ROBO1: variants seen among roughly 807,000 people sequenced by gnomAD.
ROBO1 encodes the protein roundabout homolog 1.
In ROBO1, 149 loss-of-function variants were observed where a neutral mutation model predicts 195.9. The ratio of observed to expected loss-of-function variants is 0.76; its 90% confidence interval spans 0.67 to 0.87. The LOEUF (loss-of-function observed/expected upper bound fraction) is 0.87, where lower values mean the gene tolerates loss of function less well. ROBO1 is among the 40% of genes least tolerant of loss of function. The pLI, the probability that ROBO1 is intolerant of heterozygous loss-of-function variation, is 0.00. For missense variants in ROBO1, 1,933 were observed against 2,068.3 expected, an observed-to-expected ratio of 0.93 and a Z score of 1.27; for synonymous variants, 816 against 733.2, an observed-to-expected ratio of 1.11 and a Z score of -1.82.
At chr3:79,048,902 A>G (rs548572179) in intron 3 of ROBO1, among the ~76,000 whole-genome samples, 33 of 152,280 alleles carry the variant, frequency 2.2e-4, no homozygotes, top group Non-Finnish European at 3.8e-4. Flanking sequence ...GGTCACCAAC[A>G]TCAAAGACCA....
chr3:78,746,627 G>A (rs1235577903), intron 5 of ROBO1, 116 bp downstream of exon 5: 4 of 800,186 alleles, frequency 5.0e-6, no homozygotes, highest in South Asian at 4.4e-5. Context: ...GCTGAACATG[G>A]GAGCTGACGC....
intron 10 of ROBO1, among the ~76,000 whole-genome samples, chr3:78,679,270 C>G (rs1278024254): frequency 1.6e-4 from 24 of 151,996 alleles, no homozygotes; most frequent in African/African-American, 4.6e-4. Flanking sequence ...TGGCACAAGA[C>G]AGGGATGCCC....
intron 2 of ROBO1, among the ~76,000 whole-genome samples, chr3:79,448,452 T>C (rs2039338055): frequency 2.0e-5 from 3 of 152,188 alleles, no homozygotes; most frequent in Admixed American, 2.0e-4. Context: ...GGGTCCTCCA[T>C]AAAACCTAAT....
intron 1 of ROBO1, among the ~76,000 whole-genome samples, chr3:79,745,182 C>A (rs980381580): frequency 1.3e-5 from 2 of 152,116 alleles, no homozygotes; most frequent in Non-Finnish European, 2.9e-5. Context: ...ACCACATTGT[C>A]CTTGGTTGTC....
intron 1 of ROBO1, among the ~76,000 whole-genome samples, chr3:79,728,128 A>G (rs1702995386): frequency 4.8e-5 from 1 of 20,996 alleles, no homozygotes; most frequent in Non-Finnish European, 9.2e-5. Flanking sequence ...TTGTATATTT[A>G]GATATATCCC....
intron 2 of ROBO1, among the ~76,000 whole-genome samples, chr3:79,521,150 G>A (rs1941191979): frequency 6.6e-6 from 1 of 152,086 alleles, no homozygotes; most frequent in South Asian, 2.1e-4. Context: ...TTTCTGATTG[G>A]AGTGCTTAAT....
At chr3:79,612,806 T>G (rs1441077468) in intron 1 of ROBO1, among the ~76,000 whole-genome samples, 2 of 151,682 alleles carry the variant, frequency 1.3e-5, no homozygotes, top group Non-Finnish European at 2.9e-5. Flanking sequence ...TTTCATGTGT[T>G]TTTTGGCTGC....
At chr3:78,813,005 G>A (rs920547600) in intron 4 of ROBO1, among the ~76,000 whole-genome samples, 4 of 151,968 alleles carry the variant, frequency 2.6e-5, no homozygotes, top group Admixed American at 1.3e-4. Flanking sequence ...AAAATTTACA[G>A]AAGAGTTTCC....
chr3:79,519,102 G>A (rs1941081678), intron 2 of ROBO1, among the ~76,000 whole-genome samples: 1 of 152,060 alleles, frequency 6.6e-6, no homozygotes, highest in African/African-American at 2.4e-5. Context: ...CCAGAACCCA[G>A]GCTGAAGAGA....
chr3:79,744,689 T>C (rs2107444475), intron 1 of ROBO1, among the ~76,000 whole-genome samples: 1 of 152,272 alleles, frequency 6.6e-6, no homozygotes, highest in East Asian at 1.9e-4. Context: ...TATTGTGTTA[T>C]AGAAGGCCAA....
intron 2 of ROBO1, among the ~76,000 whole-genome samples, chr3:79,326,797 G>A (rs80028931): frequency 0.024 from 3,720 of 152,100 alleles, 101 homozygotes; most frequent in African/African-American, 0.066. Flanking sequence ...AGATTATTGC[G>A]TAATTTTGTG....
chr3:79,354,246 C>A (rs2035457011), intron 2 of ROBO1, among the ~76,000 whole-genome samples: 1 of 152,160 alleles, frequency 6.6e-6, no homozygotes, highest in African/African-American at 2.4e-5. Flanking sequence ...TTAACGCTAA[C>A]CACAACCCTA....
intron 4 of ROBO1, among the ~76,000 whole-genome samples, chr3:78,888,500 C>A (rs1371428335): frequency 1.3e-5 from 2 of 152,158 alleles, no homozygotes; most frequent in Non-Finnish European, 2.9e-5. Context: ...AATTCATTTT[C>A]TTGCTCGAAA....
intron 4 of ROBO1, among the ~76,000 whole-genome samples, chr3:78,788,794 TC>T (rs1200395423): frequency 2.0e-5 from 3 of 150,818 alleles, no homozygotes; most frequent in African/African-American, 7.3e-5. Flanking sequence ...TAAAATTAAA[TC>T]CAAAATTTAT....
chr3:79,666,659 C>A (rs777429411), intron 1 of ROBO1, among the ~76,000 whole-genome samples: 2 of 151,824 alleles, frequency 1.3e-5, no homozygotes, highest in Non-Finnish European at 2.9e-5. Flanking sequence ...GTAAGACATG[C>A]CTTTCCTTTT....
At chr3:78,866,075 C>T (rs993032677) in intron 4 of ROBO1, among the ~76,000 whole-genome samples, 2 of 152,064 alleles carry the variant, frequency 1.3e-5, no homozygotes, top group African/African-American at 2.4e-5. Context: ...GTTCATCAAG[C>T]AAACTCAAAA....
intron 1 of ROBO1, among the ~76,000 whole-genome samples, chr3:79,708,943 T>G (rs1216026510): frequency 2.6e-5 from 4 of 152,148 alleles, no homozygotes; most frequent in Non-Finnish European, 5.9e-5. Context: ...TTTGTATTTT[T>G]TTTTCTTTAT....
At chr3:79,402,871 C>A (rs2037415429) in intron 2 of ROBO1, among the ~76,000 whole-genome samples, 1 of 151,768 alleles carries the variant, frequency 6.6e-6, no homozygotes, top group Non-Finnish European at 1.5e-5. Context: ...TTTTATGAAG[C>A]CTTTATTTAT....
chr3:79,284,867 C>G (rs905862928), intron 2 of ROBO1, among the ~76,000 whole-genome samples: 1 of 151,856 alleles, frequency 6.6e-6, no homozygotes, highest in African/African-American at 2.4e-5. Flanking sequence ...TGATAAAATG[C>G]CACTTCAAAT....
Sources: allele counts gnomAD v4.1 joint callset (sites outside exome capture counted in the v4.1 genomes callset), GRCh38; gene constraint gnomAD v4.1.1; transcripts MANE v1.5; gene names NCBI Gene and HGNC (gene_info 2026-07-23, HGNC 2026-07-21).